The following TBX5 variants were observed in gnomAD, a reference collection of about 807,000 sequenced individuals.
TBX5 encodes the protein T-box transcription factor TBX5.
TBX5 carries 8 observed loss-of-function variants against 51.1 expected under a neutral mutation model. The observed-to-expected ratio is 0.16, with a 90% CI of 0.09 to 0.28. The LOEUF is 0.28. Ranked by LOEUF, TBX5 falls within the 10% of genes least tolerant of loss-of-function variation. The probability of loss-of-function intolerance (pLI) is 1.00; values close to 1 mark genes in which losing one functional copy is unlikely to be tolerated. For synonymous variants in TBX5, 302 were observed against 266.4 expected (o/e 1.13, Z -1.30); for missense variants, 589 against 671.7 (o/e 0.88, Z 1.36).
rs1555226581 is a variant in TBX5 at position 114,401,876 on chromosome 12, C to A, written c.192G>T (p.Trp64Cys). 1 of 1,614,188 alleles carries A rather than the reference C, an allele frequency of 6.2e-7. No homozygotes were observed. The highest frequency in any genetic ancestry group is 8.5e-7 in the Non-Finnish European group (1 of 1,180,032). ...IKVFLHERELWLKFHEVGTEM... is the reference protein window; with the variant it reads ...IKVFLHERELCLKFHEVGTEM... ...CCGTGCCCACTTCGTGGAATTTTAG[C>A]CACAGTTCTCTTTCATGGAGAAACA... Residue 64 changes from tryptophan to cysteine, a missense_variant, in exon 3 of 9, where the codon TGG becomes TGT. This residue lies in a region of TBX5 where 13 missense variants were observed against 32.0 expected (regional missense o/e 0.41). Transcript: ENST00000405440.
intron 2 of TBX5, 107 bp downstream of exon 2, chr12:114,403,645 G>GT (rs914342404): frequency 2.2e-4 from 335 of 1,496,268 alleles, no homozygotes; most frequent in Middle Eastern, 7.1e-4. Context: ...TCGTTTTGGG[G>GT]TTTTTTTATT....
At chr12:114,399,884 C>T (rs1871698088) in intron 3 of TBX5, among the ~76,000 whole-genome samples, 1 of 152,178 alleles carries the variant, frequency 6.6e-6, no homozygotes, top group African/African-American at 2.4e-5. Context: ...AGGACGCATG[C>T]GCCTCTAGAG....
At chr12:114,378,699 C>T (rs773399112) in intron 7 of TBX5, among the ~76,000 whole-genome samples, 51 of 152,222 alleles carry the variant, frequency 3.4e-4, no homozygotes, top group Non-Finnish European at 4.0e-4. Context: ...TGCAGTGGCA[C>T]GATCTGGGCT....
chr12:114,402,309 T>A (rs1236451054), intron 2 of TBX5, among the ~76,000 whole-genome samples: 1 of 151,574 alleles, frequency 6.6e-6, no homozygotes, highest in East Asian at 1.9e-4. Context: ...CCAATTTCAA[T>A]CCACTTCACC....
Position 114,401,820 on chromosome 12 carries a change from T to G in TBX5, c.242+6A>C, listed in dbSNP as rs773681038. 1 of 1,613,696 alleles carries G rather than the reference T, an allele frequency of 6.2e-7. No individual in the cohort carries two copies. The highest frequency in any genetic ancestry group is 2.2e-5 in the East Asian group (1 of 44,860). ...GTCCCTCTCTCTACACAACAAACCA[T>G]CTCACCTTCCAGCCTTGGTTATGAT... On this transcript the variant is annotated splice_donor_region_variant and intron_variant, in intron 3 of 8. Transcript: ENST00000405440.
chr12:114,358,715 G>T (rs754485952), intron 8 of TBX5, among the ~76,000 whole-genome samples: 20 of 152,072 alleles, frequency 1.3e-4, no homozygotes, highest in Non-Finnish European at 2.4e-4. Context: ...CCATGCAGAT[G>T]TTTGAAAACA....
intron 5 of TBX5, among the ~76,000 whole-genome samples, chr12:114,395,744 A>G (rs1013234613): frequency 2.0e-5 from 3 of 152,062 alleles, no homozygotes; most frequent in African/African-American, 7.2e-5. Context: ...TATCTTCCCC[A>G]TATTTAGGGG....
At chr12:114,376,336 G>A (rs573088401) in intron 7 of TBX5, among the ~76,000 whole-genome samples, 4 of 152,178 alleles carry the variant, frequency 2.6e-5, no homozygotes, top group East Asian at 1.9e-4. Flanking sequence ...AAATCCTCTC[G>A]TTTGAGACAA....
intron 7 of TBX5, among the ~76,000 whole-genome samples, chr12:114,367,397 T>C (rs548023808): frequency 6.6e-6 from 1 of 152,140 alleles, no homozygotes; most frequent in African/African-American, 2.4e-5. Context: ...ACAGGCAAAG[T>C]AAGCATAATA....
intron 7 of TBX5, among the ~76,000 whole-genome samples, chr12:114,384,724 CACACACACACACACACACACA>C (rs796486185): frequency 0.038 from 5,272 of 137,662 alleles, 276 homozygotes; most frequent in African/African-American, 0.13. Context: ...AACACACACA[CACACACACACACACACACACA>C]ACACACACAC....
At chr12:114,401,718 C>T in intron 3 of TBX5, 108 bp downstream of exon 3, 1 of 954,166 alleles carries the variant, frequency 1.0e-6, no homozygotes. Flanking sequence ...TCTATATTCC[C>T]TCTCCTTTTG....
Position 114,385,472 on chromosome 12 carries a change from C to T in TBX5, c.755+4G>A, listed in dbSNP as rs992698112. On this transcript the variant is annotated splice_donor_region_variant and intron_variant, in intron 7 of 8. Coordinates refer to ENST00000405440, the MANE Select transcript of TBX5 (RefSeq NM_181486.4). ...GGAGAAAGTTGAGGAATCCACTTTC[C>T]TACCTTTGCATTCTTGACATTCTGT... The T allele has an allele frequency of 1.2e-6, 2 of 1,614,024 alleles. No homozygotes were observed. Among genetic ancestry groups the T allele is most frequent in the Admixed American group, 1.7e-5 (1 of 60,022 alleles).
chr12:114,371,257 A>G (rs1411030713), intron 7 of TBX5, among the ~76,000 whole-genome samples: 1 of 152,090 alleles, frequency 6.6e-6, no homozygotes, highest in African/African-American at 2.4e-5. Context: ...AAGCTCTGAC[A>G]AGAGTCTGGG....
chr12:114,396,603 C>G (rs1283728386), intron 5 of TBX5, among the ~76,000 whole-genome samples: 2 of 152,054 alleles, frequency 1.3e-5, no homozygotes, highest in African/African-American at 2.4e-5. Context: ...CTAGAGAGAC[C>G]CCAAAGGCAC....
intron 7 of TBX5, among the ~76,000 whole-genome samples, chr12:114,382,791 C>T (rs114904937): frequency 0.031 from 4,634 of 150,864 alleles, 210 homozygotes; most frequent in African/African-American, 0.11. Context: ...AGGGAGATTC[C>T]GCCTCAAAAA....
In TBX5 at chr12:114,355,279, G is replaced by C; in HGVS notation, c.*253C>G. Reference sequence around the variant, plus strand: ...TGGTTGATGGGTGTGGTGGTAGTGGGGGGTGGGACTCATCTTTTTGTGTTT... The same window carrying C: ...TGGTTGATGGGTGTGGTGGTAGTGGCGGGTGGGACTCATCTTTTTGTGTTT... On this transcript the variant is annotated 3_prime_UTR_variant, in exon 9 of 9. Coordinates refer to ENST00000405440, the MANE Select transcript of TBX5 (RefSeq NM_181486.4). The C allele has an allele frequency of 1.8e-6, 1 of 542,498 alleles. No homozygotes were observed. Among genetic ancestry groups the C allele is most frequent in the South Asian group, 1.8e-5 (1 of 56,762 alleles). The allele number at this position is 542,498 out of a possible 1,614,324, so 33.6% of individuals were successfully genotyped here. A position where few individuals can be genotyped will look rare whatever the true frequency, so the allele number is the denominator to read the frequency against.
intron 7 of TBX5, among the ~76,000 whole-genome samples, chr12:114,374,655 TG>T (rs997297464): frequency 1.3e-5 from 2 of 152,162 alleles, no homozygotes; most frequent in Admixed American, 6.5e-5. Flanking sequence ...GTGATGGGAA[TG>T]TTCTATATTT....
intron 7 of TBX5, among the ~76,000 whole-genome samples, chr12:114,383,108 T>C (rs962735061): frequency 1.6e-4 from 25 of 152,118 alleles, no homozygotes; most frequent in African/African-American, 4.8e-4. Context: ...TGTCCAATCA[T>C]CTTCCAAAGT....
chr12:114,397,185 C>T (rs1423261245), intron 5 of TBX5, among the ~76,000 whole-genome samples: 1 of 152,196 alleles, frequency 6.6e-6, no homozygotes, highest in Non-Finnish European at 1.5e-5. Flanking sequence ...CCAGTCCCCT[C>T]CTTTCCCTGA....
Sources: gnomAD v4.1 joint callset for allele counts (sites outside exome capture counted in the v4.1 genomes callset) on GRCh38, gnomAD v4.1.1 for gene constraint, gnomAD v4.1.1 regional missense constraint, MANE v1.5 for transcripts, NCBI Gene and HGNC (gene_info 2026-07-23, HGNC 2026-07-21) for gene names.